RAPGEF5: variants seen among roughly 807,000 people sequenced by gnomAD.
RAPGEF5 encodes Rap guanine nucleotide exchange factor 5.
RAPGEF5 carries 65 observed loss-of-function variants against 125.2 expected under a neutral mutation model. The observed-to-expected ratio is 0.52, with a 90% confidence interval of 0.43 to 0.64. The LOEUF (loss-of-function observed/expected upper bound fraction) is 0.64. Among genes scored for constraint, RAPGEF5 ranks in the 30% least tolerant of loss-of-function variants. The pLI is 0.00. For synonymous variants in RAPGEF5, 391 were observed against 385.9 expected (o/e 1.01, Z -0.16); for missense variants, 958 against 1,048.1 (o/e 0.91, Z 1.19).
chr7:22,229,165 C>T (rs142842001), intron 8 of RAPGEF5, among the ~76,000 whole-genome samples: 16 of 152,266 alleles, frequency 1.1e-4, no homozygotes, highest in African/African-American at 3.8e-4. Context: ...TCTCTTCACT[C>T]CACCCACATG....
intron 1 of RAPGEF5, among the ~76,000 whole-genome samples, chr7:22,346,233 T>C (rs1784222217): frequency 6.6e-6 from 1 of 152,168 alleles, no homozygotes; most frequent in South Asian, 2.1e-4. Context: ...CAGAGGTTAT[T>C]TGATTTACTC....
At chr7:22,154,701 A>G in intron 16 of RAPGEF5, 97 bp from the exon 17 acceptor site, 1 of 1,364,012 alleles carries the variant, frequency 7.3e-7, no homozygotes, top group Non-Finnish European at 1.0e-6. Context: ...TTTCTAAATC[A>G]ACCCACCTGG....
chr7:22,198,158 C>T (rs1449934111), intron 9 of RAPGEF5, among the ~76,000 whole-genome samples: 1 of 152,214 alleles, frequency 6.6e-6, no homozygotes, highest in Non-Finnish European at 1.5e-5. Flanking sequence ...TCCCAAAGAA[C>T]ACCTTAAATC....
At chr7:22,217,472 T>C (rs1223762546) in intron 9 of RAPGEF5, among the ~76,000 whole-genome samples, 1 of 152,178 alleles carries the variant, frequency 6.6e-6, no homozygotes, top group African/African-American at 2.4e-5. Flanking sequence ...CATAAAAGAT[T>C]GAAGTGAATT....
Position 22,154,591 on chromosome 7 carries a change from C to T in RAPGEF5, c.1650G>A (p.Val550=), listed in dbSNP as rs1255837366. ...VTETEEIFCH[V]YITEHSYVSV... is the part of the protein sequence containing the mutation. ...TGACATAGGAGTGCTCTGTTATATACACGTGGCAGAAAACTGCACAAGTGA... is the reference window on the plus strand; with the variant it reads ...TGACATAGGAGTGCTCTGTTATATATACGTGGCAGAAAACTGCACAAGTGA... The change falls in exon 17 of 26, where the codon GTG becomes GTA. Residue 550 remains valine (V), a synonymous_variant. Transcript: ENST00000665637. 6.2e-6 allele frequency: 10 copies of T among 1,613,296 alleles called. No homozygotes were observed. The highest frequency in any genetic ancestry group is 7.6e-6 in the Non-Finnish European group (9 of 1,179,578).
chr7:22,317,870 T>A, intron 2 of RAPGEF5, 117 bp downstream of exon 2: 1 of 1,360,370 alleles, frequency 7.4e-7, no homozygotes, highest in Non-Finnish European at 1.0e-6. Context: ...CACTGCAGCA[T>A]CCCTGCAAAA....
intron 1 of RAPGEF5, among the ~76,000 whole-genome samples, chr7:22,341,604 CG>C (rs1210441488): frequency 1.3e-5 from 2 of 152,178 alleles, no homozygotes; most frequent in African/African-American, 4.8e-5. Flanking sequence ...CTAAATACAA[CG>C]GGGGTGAAGG....
intron 12 of RAPGEF5, among the ~76,000 whole-genome samples, chr7:22,166,486 A>C (rs575991826): frequency 2.0e-5 from 3 of 152,344 alleles, no homozygotes; most frequent in African/African-American, 7.2e-5. Context: ...GTTAGTGAAT[A>C]AAATTATAAG....
intron 7 of RAPGEF5, among the ~76,000 whole-genome samples, chr7:22,249,561 G>A (rs1786566485): frequency 6.6e-6 from 1 of 152,132 alleles, no homozygotes; most frequent in Admixed American, 6.6e-5. Context: ...AGAAACTTTA[G>A]TTAGAATATT....
intron 6 of RAPGEF5, among the ~76,000 whole-genome samples, chr7:22,290,271 G>T (rs887174098): frequency 4.6e-5 from 7 of 152,120 alleles, no homozygotes; most frequent in Admixed American, 1.3e-4. Context: ...AATAATTTTT[G>T]GGGAAGGCTA....
chr7:22,225,098 C>T (rs1239368126), intron 8 of RAPGEF5, among the ~76,000 whole-genome samples: 1 of 152,088 alleles, frequency 6.6e-6, no homozygotes, highest in Non-Finnish European at 1.5e-5. Context: ...TTAGAGGCTG[C>T]AGTGAGCTAT....
At chr7:22,240,275 A>G (rs1268757205) in intron 7 of RAPGEF5, among the ~76,000 whole-genome samples, 3 of 151,772 alleles carry the variant, frequency 2.0e-5, no homozygotes, top group African/African-American at 4.8e-5. Flanking sequence ...CAACTAAAAT[A>G]AAACCTTGAT....
intron 7 of RAPGEF5, among the ~76,000 whole-genome samples, chr7:22,255,219 A>G (rs561889466): frequency 6.6e-6 from 1 of 152,294 alleles, no homozygotes; most frequent in South Asian, 2.1e-4. Flanking sequence ...CTTAGAAAAA[A>G]CAATTTAACG....
chr7:22,286,571 C>T (rs1041834173), intron 6 of RAPGEF5, among the ~76,000 whole-genome samples: 3 of 152,136 alleles, frequency 2.0e-5, no homozygotes. Flanking sequence ...ACGTTTTTAT[C>T]TCCTATTTAA....
intron 6 of RAPGEF5, among the ~76,000 whole-genome samples, chr7:22,267,679 A>G (rs1281363144): frequency 6.6e-6 from 1 of 152,180 alleles, no homozygotes; most frequent in Non-Finnish European, 1.5e-5. Flanking sequence ...TGAACACTTA[A>G]ATCCGTCCTT....
rs1333793020 is a variant in RAPGEF5 at position 22,122,236 on chromosome 7, G to C, written c.*170C>G. The C allele has an allele frequency of 1.7e-6, 1 of 573,080 alleles. No homozygotes were observed. Among genetic ancestry groups the C allele is most frequent in the Non-Finnish European group, 3.1e-6 (1 of 321,336 alleles). 35.5% of individuals were successfully genotyped at this position (573,080 alleles called of 1,614,324 possible). A position where few individuals can be genotyped will look rare whatever the true frequency, so the allele number is the denominator to read the frequency against. On this transcript the variant is annotated 3_prime_UTR_variant, in exon 26 of 26. Transcript: ENST00000665637. ...CATGGAGAAACCTCTCCCCCTCTCT[G>C]GTGGCTGACATCACTTCCTGAACAC...
intron 9 of RAPGEF5, among the ~76,000 whole-genome samples, chr7:22,208,349 C>G (rs1785440829): frequency 6.6e-6 from 1 of 152,176 alleles, no homozygotes; most frequent in African/African-American, 2.4e-5. Flanking sequence ...CACTGAATGA[C>G]TACACTGGTG....
chr7:22,211,722 A>C (rs926166702), intron 9 of RAPGEF5, among the ~76,000 whole-genome samples: 3 of 145,998 alleles, frequency 2.1e-5, no homozygotes, highest in African/African-American at 7.7e-5. Context: ...GAATGTTAAA[A>C]ATTTAAATCT....
intron 9 of RAPGEF5, among the ~76,000 whole-genome samples, chr7:22,210,342 C>T (rs576365353): frequency 6.6e-6 from 1 of 152,288 alleles, no homozygotes; most frequent in East Asian, 1.9e-4. Flanking sequence ...CAACATAAAG[C>T]TTGTTCTACT....
Sources: gnomAD v4.1 joint callset for allele counts (sites outside exome capture counted in the v4.1 genomes callset) on GRCh38, gnomAD v4.1.1 for gene constraint, MANE v1.5 for transcripts, NCBI Gene and HGNC (gene_info 2026-07-23, HGNC 2026-07-21) for gene names.